The following SLIT1 variants were observed in gnomAD, a reference collection of about 807,000 sequenced individuals.
The protein encoded by SLIT1 is slit guidance ligand 1.
In SLIT1, 66 loss-of-function variants were observed where a neutral mutation model predicts 186.1. The observed-to-expected ratio is 0.35, with a 90% CI of 0.29 to 0.44. The LOEUF (loss-of-function observed/expected upper bound fraction) is 0.44. Among genes scored for constraint, SLIT1 ranks in the 20% least tolerant of loss-of-function variants. The pLI, the probability that SLIT1 is intolerant of heterozygous loss-of-function variation, is 1.00. For synonymous variants in SLIT1, 761 were observed against 833.8 expected (o/e 0.91, Z 1.50); for missense variants, 1,638 against 2,037.4 (o/e 0.80, Z 3.77).
chr10:97,162,252 T>C (rs1229458238), intron 3 of SLIT1, among the ~76,000 whole-genome samples: 3 of 152,224 alleles, frequency 2.0e-5, no homozygotes, highest in Non-Finnish European at 4.4e-5. Flanking sequence ...TCACTGTTCT[T>C]CAGAAATGTG....
At position 97,075,922 on chromosome 10, in the gene SLIT1, G is replaced by A. The variant is rs185196800; in HGVS notation, c.414-9836C>T. ...TAGCATTTCAAAGCAAGGGTTGGAG[G>A]TGCCAACTCCTATTCTTTGGGGGCT... On this transcript the variant is annotated intron_variant, in intron 4 of 36. Coordinates refer to ENST00000266058, the MANE Select transcript of SLIT1 (RefSeq NM_003061.3). 1.3e-3 allele frequency among the ~76,000 whole-genome samples: 196 copies of A among 152,276 alleles called. 2 individuals carry two copies. Among genetic ancestry groups the A allele is most frequent in the African/African-American group, 4.4e-3 (184 of 41,534 alleles).
intron 4 of SLIT1, among the ~76,000 whole-genome samples, chr10:97,070,760 C>T (rs960731070): frequency 1.3e-5 from 2 of 152,310 alleles, no homozygotes; most frequent in Middle Eastern, 6.8e-3. Flanking sequence ...CTTGGACTTC[C>T]CACCTCTAGA....
intron 4 of SLIT1, among the ~76,000 whole-genome samples, chr10:97,105,235 T>C (rs17112409): frequency 0.015 from 2,213 of 152,246 alleles, 49 homozygotes; most frequent in African/African-American, 0.05. Flanking sequence ...CTCAGTTCCA[T>C]TCACCACCGT....
At chr10:97,058,127 G>A in intron 11 of SLIT1, 1 of 705,906 alleles carries the variant, frequency 1.4e-6, no homozygotes, top group South Asian at 1.5e-5. Context: ...GGAACAAATG[G>A]GACAGTAACT....
chr10:97,070,042 G>A (rs759105509), intron 4 of SLIT1, among the ~76,000 whole-genome samples: 6 of 152,156 alleles, frequency 3.9e-5, no homozygotes, highest in East Asian at 1.9e-4. Flanking sequence ...GAGAGGAACC[G>A]AGGCCTCTCG....
At chr10:97,063,658 C>T (rs1407882758) in intron 7 of SLIT1, 40 bp from the exon 8 acceptor site, 1 of 1,535,752 alleles carries the variant, frequency 6.5e-7, no homozygotes, top group Non-Finnish European at 8.8e-7. Context: ...ATCTGGATCC[C>T]CCAGCCCAGC....
At chr10:97,164,199 T>G (rs774929967) in intron 2 of SLIT1, among the ~76,000 whole-genome samples, 1 of 152,214 alleles carries the variant, frequency 6.6e-6, no homozygotes, top group Non-Finnish European at 1.5e-5. Flanking sequence ...AGTGTGTTTT[T>G]CCCCCTGCAT....
chr10:97,064,132 T>TGGCTGCCCCGCTCCC, intron 7 of SLIT1, 36 bp downstream of exon 7: 2 of 1,572,086 alleles, frequency 1.3e-6, no homozygotes. Flanking sequence ...CAACCGGGCT[T>TGGCTGCCCCGCTCCC]GGCTGCCCCG....
chr10:97,086,368 T>C (rs1393431043), intron 4 of SLIT1, among the ~76,000 whole-genome samples: 1 of 151,798 alleles, frequency 6.6e-6, no homozygotes, highest in Non-Finnish European at 1.5e-5. Flanking sequence ...TCAGGACTTT[T>C]AGACCAGCCT....
intron 5 of SLIT1, chr10:97,065,426 C>T (rs1230950214): frequency 1.9e-5 from 3 of 154,180 alleles, no homozygotes; most frequent in African/African-American, 7.2e-5. Context: ...CATTTGCCAT[C>T]CCTGCTGTAG....
At position 97,070,865 on chromosome 10, in the gene SLIT1, C is replaced by T. The variant is rs546127941; in HGVS notation, c.414-4779G>A. 5.9e-5 allele frequency among the ~76,000 whole-genome samples: 9 copies of T among 152,274 alleles called. No homozygotes were observed. The South Asian group carries it at 1.0e-3, about 18-fold the overall frequency. On this transcript the variant is annotated intron_variant, in intron 4 of 36. Transcript: ENST00000266058. The stretch of plus-strand genomic sequence containing the variant: ...AGACAAGGTCTTGCTGTCACCCAGG[C>T]CAGACTGCAGTGGCACAATCATAGC...
intron 18 of SLIT1, among the ~76,000 whole-genome samples, chr10:97,044,465 C>T (rs1848717943): frequency 6.6e-6 from 1 of 152,018 alleles, no homozygotes; most frequent in Admixed American, 6.5e-5. Context: ...AAAGTAAAAA[C>T]AAAAACCAAG....
chr10:97,083,940 A>G (rs899801292), intron 4 of SLIT1, among the ~76,000 whole-genome samples: 13 of 152,128 alleles, frequency 8.5e-5, no homozygotes, highest in Non-Finnish European at 1.2e-4. Context: ...GACTTCTCAC[A>G]GTCTTTGGCA....
At chr10:97,072,319 T>C (rs1245225851) in intron 4 of SLIT1, among the ~76,000 whole-genome samples, 1 of 152,174 alleles carries the variant, frequency 6.6e-6, no homozygotes, top group East Asian at 1.9e-4. Context: ...CTACCATGCC[T>C]GGCTAATTTT....
At position 97,185,943 on chromosome 10, in the gene SLIT1, C is replaced by T; in HGVS notation, c.-269G>A. On this transcript the variant is annotated 5_prime_UTR_variant, in exon 1 of 37. Coordinates refer to ENST00000266058, the MANE Select transcript of SLIT1 (RefSeq NM_003061.3). Reference sequence around the variant, plus strand: ...CCCTCTCCCTCCCTCCAGCTCCCAACTGACTGCTGCGAGGAGGAAAATGGG... The same window carrying T: ...CCCTCTCCCTCCCTCCAGCTCCCAATTGACTGCTGCGAGGAGGAAAATGGG... The T allele has an allele frequency of 2.1e-6, 1 of 473,912 alleles. No individual in the cohort carries two copies. 29.4% of individuals were successfully genotyped at this position (473,912 alleles called of 1,614,324 possible). A position where few individuals can be genotyped will look rare whatever the true frequency, so the allele number is the denominator to read the frequency against.
chr10:97,030,006 C>T (rs529101645), intron 25 of SLIT1, among the ~76,000 whole-genome samples: 86 of 152,258 alleles, frequency 5.6e-4, no homozygotes, highest in African/African-American at 1.7e-3. Flanking sequence ...GTATGTAGTA[C>T]GTTTTGTTTA....
rs191793442 is a variant in SLIT1 at position 97,002,435 on chromosome 10, C to G, written c.4155-66G>C. ...GCCAAGCCCCACCTGACACAGCCCG[C>G]CCCACCTGACACAGCCCACCCCACC... On this transcript the variant is annotated intron_variant, in intron 35 of 36. Transcript: ENST00000266058. 3.9e-6 allele frequency: 5 copies of G among 1,278,388 alleles called. No individual in the cohort carries two copies. In the Admixed American group the frequency reaches 6.8e-5, roughly 17 times the overall value. 79.2% of individuals were successfully genotyped at this position (1,278,388 alleles called of 1,614,324 possible). A position where few individuals can be genotyped will look rare whatever the true frequency, so the allele number is the denominator to read the frequency against.
intron 4 of SLIT1, chr10:97,103,474 G>A (rs115161142): frequency 6.2e-4 from 95 of 152,240 alleles, no homozygotes; most frequent in African/African-American, 2.1e-3. Flanking sequence ...CCTTAGTAAC[G>A]ACTTCCAAGG....
chr10:97,023,207 C>T (rs1005466784), intron 25 of SLIT1, among the ~76,000 whole-genome samples: 2 of 151,456 alleles, frequency 1.3e-5, no homozygotes, highest in African/African-American at 2.4e-5. Flanking sequence ...TACACTACCA[C>T]GCCCACCTAA....
Sources: gnomAD v4.1 joint callset for allele counts (sites outside exome capture counted in the v4.1 genomes callset) on GRCh38, gnomAD v4.1.1 for gene constraint, MANE v1.5 for transcripts, NCBI Gene and HGNC (gene_info 2026-07-23, HGNC 2026-07-21) for gene names.